The following LIG3 variants were observed in gnomAD, a reference collection of about 807,000 sequenced individuals.
LIG3 encodes the protein ligase II, DNA, ATP-dependent.
In LIG3, 58 loss-of-function variants were observed where a neutral mutation model predicts 110.9. The ratio of observed to expected loss-of-function variants is 0.52; its 90% CI spans 0.42 to 0.65. The LOEUF (loss-of-function observed/expected upper bound fraction) is 0.65. Ranked by LOEUF, LIG3 falls within the 30% of genes least tolerant of loss-of-function variation. LIG3 has a pLI of 0.00. For missense variants in LIG3, 1,094 were observed against 1,273.8 expected (o/e 0.86, Z 2.15); for synonymous variants, 422 against 472.8 (o/e 0.89, Z 1.39).
In LIG3 at chr17:35,008,500, G is replaced by C. The variant is rs2090912355; in HGVS notation, c.*3994G>C. ...CCTGGCTGGAGTGCGGTGGCGATCA[G>C]AGCTCACTGCAGCTTCAATCTCCTG... On this transcript the variant is annotated 3_prime_UTR_variant, in exon 20 of 20. Transcript: ENST00000378526. 6.6e-6 allele frequency: 1 copy of C among 151,714 alleles called. No individual in the cohort carries two copies. The highest frequency in any genetic ancestry group is 2.4e-5 in the African/African-American group (1 of 41,258). 9.4% of individuals were successfully genotyped at this position (151,714 alleles called of 1,614,324 possible).
In LIG3 at chr17:34,995,479, G is replaced by A. The variant is rs1357431360; in HGVS notation, c.1612-585G>A. 2.0e-5 allele frequency among the ~76,000 whole-genome samples: 3 copies of A among 152,236 alleles called. No individual in the cohort carries two copies. In the East Asian group the frequency reaches 5.8e-4, roughly 29 times the overall value. ...TATTCACTCATCCTTTGCCTCTCCT[G>A]TGATTTGGGTTCTTAAAGGGCTAGG... On this transcript the variant is annotated intron_variant, in intron 9 of 19. Coordinates refer to ENST00000378526, the MANE Select transcript of LIG3 (RefSeq NM_013975.4).
rs1426160250 is a variant in LIG3 at position 34,985,971 on chromosome 17, C to G, written c.548-17C>G. ...CGTTCACTGAAGGATATTTTATACTCTTTTGGGATCCTACAGATCTGTCTT... is the reference window on the plus strand; with the variant it reads ...CGTTCACTGAAGGATATTTTATACTGTTTTGGGATCCTACAGATCTGTCTT... On this transcript the variant is annotated splice_polypyrimidine_tract_variant and intron_variant, in intron 2 of 19. Coordinates refer to ENST00000378526, the MANE Select transcript of LIG3 (RefSeq NM_013975.4). 3.7e-6 allele frequency: 6 copies of G among 1,611,790 alleles called. No homozygotes were observed. In the Admixed American group the frequency reaches 1.0e-4, roughly 27 times the overall value.
intron 10 of LIG3, 95 bp downstream of exon 10, chr17:34,996,290 C>T: frequency 7.3e-7 from 1 of 1,374,762 alleles, no homozygotes; most frequent in South Asian, 1.3e-5. Context: ...AGGAAATATC[C>T]CTTAGTGTGG....
In LIG3 at chr17:35,004,699, C is replaced by T. The variant is rs1350354876; in HGVS notation, c.*193C>T. The T allele has an allele frequency of 5.2e-6, 3 of 578,806 alleles. No homozygotes were observed. In the African/African-American group the frequency reaches 5.6e-5, roughly 11 times the overall value. The allele number at this position is 578,806 out of a possible 1,614,324, so 35.9% of individuals were successfully genotyped here. A position where few individuals can be genotyped will look rare whatever the true frequency, so the allele number is the denominator to read the frequency against. On this transcript the variant is annotated 3_prime_UTR_variant, in exon 20 of 20. Coordinates refer to ENST00000378526, the MANE Select transcript of LIG3 (RefSeq NM_013975.4). ...CCACAGCTGAAGTCAGTTTGTCTTG[C>T]TGGTTTAAATAGATCTTTCAGAGCT...
chr17:34,995,565 C>A (rs973323183), intron 9 of LIG3, among the ~76,000 whole-genome samples: 1 of 152,098 alleles, frequency 6.6e-6, no homozygotes, highest in African/African-American at 2.4e-5. Flanking sequence ...CTCTAAGCAT[C>A]CTGGGTAGTG....
In LIG3 at chr17:35,003,151, G is replaced by A. The variant is rs2090862654; in HGVS notation, c.2796+362G>A. ...AAAAGACCAGTCTGGGTGTGGGAAT[G>A]CAGCATTGAGTTTGTGGTCAGGGTG... On this transcript the variant is annotated intron_variant, in intron 19 of 19. Coordinates refer to ENST00000378526, the MANE Select transcript of LIG3 (RefSeq NM_013975.4). 2.8e-5 allele frequency: 43 copies of A among 1,554,230 alleles called. 1 individual carries two copies. In the Middle Eastern group the frequency reaches 5.1e-4, roughly 18 times the overall value.
At position 34,989,655 on chromosome 17, in the gene LIG3, C is replaced by T. The variant is rs1194206854; in HGVS notation, c.881C>T (p.Ser294Leu). Reference protein sequence around the residue: ...QIIQDFLRKGSAGDGFHGDVY... With the variant: ...QIIQDFLRKGLAGDGFHGDVY... ...ATCCAGGACTTCCTTCGGAAAGGCT[C>T]AGCAGGAGGTGTGGCATGAGCATCC... Residue 294 changes from serine to leucine, a missense_variant, in exon 4 of 20, where the codon TCA becomes TTA. Transcript: ENST00000378526. The T allele has an allele frequency of 8.7e-6, 14 of 1,614,026 alleles. No individual in the cohort carries two copies. The highest frequency in any genetic ancestry group is 1.1e-5 in the Non-Finnish European group (13 of 1,180,020).
rs2090848006 is a variant in LIG3 at position 35,002,015 on chromosome 17, G to A, written c.2585G>A (p.Gly862Glu). The A allele has an allele frequency of 6.2e-7, 1 of 1,612,364 alleles. No homozygotes were observed. Among genetic ancestry groups the A allele is most frequent in the Non-Finnish European group, 8.5e-7 (1 of 1,179,248 alleles). ...AGTGAAGAGAATAAGGGTCCCTCAGGGTCTGCTGTGTCCCGCAAGGCCCCC... is the reference window on the plus strand; with the variant it reads ...AGTGAAGAGAATAAGGGTCCCTCAGAGTCTGCTGTGTCCCGCAAGGCCCCC... Reference protein sequence around the residue: ...GSSEENKGPSGSAVSRKAPSK... With the variant: ...GSSEENKGPSESAVSRKAPSK... The change falls in exon 18 of 20, where the codon GGG (glycine) becomes GAG (glutamate). Residue 862 changes from glycine (G) to glutamate (E), a missense_variant. Coordinates refer to ENST00000378526, the MANE Select transcript of LIG3 (RefSeq NM_013975.4).
At chr17:34,989,293 C>T (rs2090691932) in intron 3 of LIG3, among the ~76,000 whole-genome samples, 173 bp from the exon 4 acceptor site, 1 of 152,164 alleles carries the variant, frequency 6.6e-6, no homozygotes, top group African/African-American at 2.4e-5. Context: ...GGGAAAATTA[C>T]TTGGCCTCCA....
At chr17:34,989,301 C>T (rs2090691983) in intron 3 of LIG3, among the ~76,000 whole-genome samples, 165 bp from the exon 4 acceptor site, 1 of 152,082 alleles carries the variant, frequency 6.6e-6, no homozygotes. Context: ...TACTTGGCCT[C>T]CATTTCTTTA....
At chr17:35,001,436 ACC>A in intron 17 of LIG3, 33 bp downstream of exon 17, 1 of 1,605,322 alleles carries the variant, frequency 6.2e-7, no homozygotes, top group Non-Finnish European at 8.5e-7. Flanking sequence ...TGTATTCTCC[ACC>A]CCACTGTCCA....
intron 9 of LIG3, 36 bp downstream of exon 9, chr17:34,994,467 C>G (rs769681501): frequency 1.3e-6 from 2 of 1,598,830 alleles, no homozygotes; most frequent in Non-Finnish European, 1.7e-6. Flanking sequence ...GACCGTCTTT[C>G]CCCTTTCTGC....
At position 35,005,528 on chromosome 17, in the gene LIG3, A is replaced by G; in HGVS notation, c.*1022A>G. 1.7e-6 allele frequency: 1 copy of G among 574,952 alleles called. No individual in the cohort carries two copies. The highest frequency in any genetic ancestry group is 1.4e-5 in the South Asian group (1 of 72,858). 35.6% of individuals were successfully genotyped at this position (574,952 alleles called of 1,614,324 possible). On this transcript the variant is annotated 3_prime_UTR_variant, in exon 20 of 20. Transcript: ENST00000378526. ...GTAGCTTTCTTGGCCTACAAAGTAA[A>G]TGGACAGTATATTATGGAAGGATTT... is the stretch of plus-strand genomic sequence containing the variant.
chr17:34,996,379 G>C (rs2090777945), intron 10 of LIG3, 184 bp downstream of exon 10: 1 of 833,198 alleles, frequency 1.2e-6, no homozygotes, highest in Non-Finnish European at 1.8e-6. Flanking sequence ...GCTGGTATTG[G>C]GAACCAGTTT....
At chr17:35,000,030 G>A (rs1402883933) in intron 16 of LIG3, among the ~76,000 whole-genome samples, 174 bp downstream of exon 16, 2 of 152,162 alleles carry the variant, frequency 1.3e-5, no homozygotes, top group African/African-American at 4.8e-5. Context: ...ATTTTGAATA[G>A]AATTCTTTCT....
Position 34,983,177 on chromosome 17 carries a change from T to C in LIG3, c.172T>C (p.Ser58Pro), listed in dbSNP as rs1352650204. The change falls in exon 2 of 20, where the codon TCA (serine) becomes CCA (proline). Residue 58 changes from serine to proline, a missense_variant. Ser to Pro is a moderately conservative substitution (Grantham distance 74). Coordinates refer to ENST00000378526, the MANE Select transcript of LIG3 (RefSeq NM_013975.4). ...CTTCCTGAGAAGAAAGCCTGTTCTATCATTCCAGGGAAGCCATCTAAGATC... is the reference window on the plus strand; with the variant it reads ...CTTCCTGAGAAGAAAGCCTGTTCTACCATTCCAGGGAAGCCATCTAAGATC... ...PLFLRRKPVL[S>P]FQGSHLRSRA... 1 of 1,614,184 alleles carries C rather than the reference T, an allele frequency of 6.2e-7. No individual in the cohort carries two copies. Among genetic ancestry groups the C allele is most frequent in the African/African-American group, 1.3e-5 (1 of 75,042 alleles).
At chr17:34,986,660 C>G (rs1343489036) in intron 3 of LIG3, among the ~76,000 whole-genome samples, 1 of 152,174 alleles carries the variant, frequency 6.6e-6, no homozygotes, top group African/African-American at 2.4e-5. Context: ...TATACTTTAA[C>G]CTCTATCGCA....
chr17:35,004,602 A>G lies in LIG3; in HGVS notation c.*96A>G. 9.7e-7 allele frequency: 1 copy of G among 1,028,606 alleles called. No individual in the cohort carries two copies. The highest frequency in any genetic ancestry group is 1.5e-6 in the Non-Finnish European group (1 of 686,608). The allele number at this position is 1,028,606 out of a possible 1,614,324, so 63.7% of individuals were successfully genotyped here. On this transcript the variant is annotated 3_prime_UTR_variant, in exon 20 of 20. Transcript: ENST00000378526. ...GGCAGATAGACACAGTATAGGGGGA[A>G]TGGGCTTGCTTCTCCCAAACCCACC...
intron 17 of LIG3, 59 bp from the exon 18 acceptor site, chr17:35,001,850 C>T (rs368694059): frequency 6.6e-7 from 1 of 1,508,486 alleles, no homozygotes; most frequent in Non-Finnish European, 9.0e-7. Context: ...CACACACCAC[C>T]TCTGAGGCCA....
Sources: gnomAD v4.1 joint callset for allele counts (sites outside exome capture counted in the v4.1 genomes callset) on GRCh38, gnomAD v4.1.1 for gene constraint, MANE v1.5 for transcripts, NCBI Gene and HGNC (gene_info 2026-07-23, HGNC 2026-07-21) for gene names.